LUZP2: variants seen among roughly 807,000 people sequenced by gnomAD.
LUZP2 encodes the protein leucine zipper protein 2.
A neutral mutation model predicts 51.6 loss-of-function variants in LUZP2; 52 were observed. The ratio of observed to expected loss-of-function variants is 1.01; its 90% CI spans 0.81 to 1.27. The LOEUF (loss-of-function observed/expected upper bound fraction) is 1.27, where lower values mean the gene tolerates loss of function less well. LUZP2 is among the 50% of genes most tolerant of loss of function. LUZP2 has a pLI of 0.00. For synonymous variants in LUZP2, 154 were observed against 137.3 expected (o/e 1.12, Z -0.85); for missense variants, 436 against 395.4 (o/e 1.10, Z -0.87).
intron 1 of LUZP2, among the ~76,000 whole-genome samples, chr11:24,614,916 G>A (rs1854238080): frequency 6.6e-6 from 1 of 151,768 alleles, no homozygotes. Flanking sequence ...CAAGCATCCA[G>A]AACAGTGTTA....
rs372995188 is a variant in LUZP2, at chr11:24,592,893, T to G, written c.62+95588T>G. ...AGGCCAGTCTTTAAGTAGAATGCTC[T>G]ATAACTGTAAGAACAGAATCCATTA... On this transcript the variant is annotated intron_variant, in intron 1 of 11. Transcript: ENST00000336930. 1.3e-4 allele frequency among the ~76,000 whole-genome samples: 20 copies of G among 152,348 alleles called. No individual in the cohort carries two copies. The East Asian group carries it at 3.3e-3, about 25-fold the overall frequency.
chr11:24,915,344 C>T (rs1054871564), intron 7 of LUZP2, among the ~76,000 whole-genome samples: 3 of 152,080 alleles, frequency 2.0e-5, no homozygotes, highest in Admixed American at 6.6e-5. Context: ...CTGACTTATT[C>T]TAAACCTTGG....
chr11:24,703,672 A>AG (rs1424570083), intron 1 of LUZP2, among the ~76,000 whole-genome samples: 1 of 151,758 alleles, frequency 6.6e-6, no homozygotes, highest in African/African-American at 2.4e-5. Context: ...AAAATACAAA[A>AG]AAAAAAACTA....
chr11:24,987,974 T>G (rs1590806533), intron 9 of LUZP2, among the ~76,000 whole-genome samples: 1 of 151,938 alleles, frequency 6.6e-6, no homozygotes, highest in East Asian at 1.9e-4. Context: ...TTGGAGGTTA[T>G]TCAAAAATCA....
intron 3 of LUZP2, among the ~76,000 whole-genome samples, chr11:24,732,824 A>G (rs1374098670): frequency 6.6e-6 from 1 of 151,728 alleles, no homozygotes; most frequent in Non-Finnish European, 1.5e-5. Context: ...GTAGGTTTGT[A>G]TATATTTTCT....
At position 24,586,677 on chromosome 11, in the gene LUZP2, G is replaced by C. The variant is rs921109410; in HGVS notation, c.62+89372G>C. Reference sequence around the variant, plus strand: ...AGTTTAGGTACTCCATTTTGAATTAGATGGAAAACTGTGAATGGTACAAGC... The same window carrying C: ...AGTTTAGGTACTCCATTTTGAATTACATGGAAAACTGTGAATGGTACAAGC... On this transcript the variant is annotated intron_variant, in intron 1 of 11. Coordinates refer to ENST00000336930, the MANE Select transcript of LUZP2 (RefSeq NM_001009909.4). Among the ~76,000 whole-genome samples, 2 of 151,976 alleles carry C rather than the reference G, an allele frequency of 1.3e-5. 1 individual carries two copies. The highest frequency in any genetic ancestry group is 4.8e-5 in the African/African-American group (2 of 41,398).
At chr11:24,628,420 A>G (rs1854759286) in intron 1 of LUZP2, among the ~76,000 whole-genome samples, 1 of 152,180 alleles carries the variant, frequency 6.6e-6, no homozygotes, top group South Asian at 2.1e-4. Flanking sequence ...CACAGATCTA[A>G]GACTTCAAAT....
At chr11:25,022,054 T>A (rs77615660) in intron 9 of LUZP2, among the ~76,000 whole-genome samples, 5,185 of 152,168 alleles carry the variant, frequency 0.034, 122 homozygotes, top group Non-Finnish European at 0.053. Flanking sequence ...CAGTACTTGT[T>A]GCACTCTTTC....
At chr11:24,806,373 C>T (rs1849857125) in intron 5 of LUZP2, among the ~76,000 whole-genome samples, 1 of 152,124 alleles carries the variant, frequency 6.6e-6, no homozygotes, top group African/African-American at 2.4e-5. Context: ...AATCAGCCTC[C>T]ACTATTGCCA....
intron 4 of LUZP2, among the ~76,000 whole-genome samples, chr11:24,747,915 A>T (rs1448399874): frequency 6.6e-6 from 1 of 152,072 alleles, no homozygotes; most frequent in Non-Finnish European, 1.5e-5. Context: ...TGTCCCCTCT[A>T]ACAGCCCTAA....
intron 7 of LUZP2, among the ~76,000 whole-genome samples, chr11:24,918,123 T>G (rs1285928868): frequency 1.3e-5 from 2 of 152,092 alleles, no homozygotes; most frequent in Non-Finnish European, 2.9e-5. Flanking sequence ...CACTCATGAT[T>G]TGGCTCTCTG....
chr11:24,770,668 T>C (rs147717773), intron 5 of LUZP2, among the ~76,000 whole-genome samples: 70 of 152,322 alleles, frequency 4.6e-4, no homozygotes, highest in African/African-American at 1.5e-3. Flanking sequence ...CAAATAGCCA[T>C]TGACACATAT....
At chr11:24,543,055 CA>C (rs1381659781) in intron 1 of LUZP2, among the ~76,000 whole-genome samples, 2 of 151,608 alleles carry the variant, frequency 1.3e-5, no homozygotes, top group Non-Finnish European at 2.9e-5. Context: ...GTGTTCATAA[CA>C]CTTTGGGGAA....
At chr11:25,052,931 T>G (rs1341818586) in intron 10 of LUZP2, among the ~76,000 whole-genome samples, 1 of 152,180 alleles carries the variant, frequency 6.6e-6, no homozygotes, top group Admixed American at 6.5e-5. Context: ...GGATATAATG[T>G]AGTTTTACTT....
intron 6 of LUZP2, among the ~76,000 whole-genome samples, chr11:24,913,846 CA>C (rs747704520): frequency 6.6e-6 from 1 of 151,938 alleles, no homozygotes. Context: ...CTGAAAAATT[CA>C]AAATACATGA....
intron 1 of LUZP2, among the ~76,000 whole-genome samples, chr11:24,590,570 A>T (rs2133840949): frequency 6.6e-6 from 1 of 152,244 alleles, no homozygotes; most frequent in African/African-American, 2.4e-5. Flanking sequence ...ATGACTAATA[A>T]TTTTTTACTA....
chr11:24,890,321 A>T (rs1446252861), intron 5 of LUZP2, among the ~76,000 whole-genome samples: 1 of 145,200 alleles, frequency 6.9e-6, no homozygotes, highest in Non-Finnish European at 1.6e-5. Flanking sequence ...TTACATGACA[A>T]ACAGAAGAAG....
At chr11:25,021,348 C>CA (rs1476060344) in intron 9 of LUZP2, among the ~76,000 whole-genome samples, 54 of 151,100 alleles carry the variant, frequency 3.6e-4, no homozygotes, top group East Asian at 1.9e-4. Flanking sequence ...TAGCCATGCA[C>CA]AAAAAAACAA....
At chr11:24,542,608 A>G (rs941529749) in intron 1 of LUZP2, among the ~76,000 whole-genome samples, 5 of 151,992 alleles carry the variant, frequency 3.3e-5, no homozygotes, top group Admixed American at 6.6e-5. Flanking sequence ...TTCATAATCA[A>G]TGAAACAAAA....
Sources: gnomAD v4.1 joint callset for allele counts (sites outside exome capture counted in the v4.1 genomes callset) on GRCh38, gnomAD v4.1.1 for gene constraint, MANE v1.5 for transcripts, NCBI Gene and HGNC (gene_info 2026-07-23, HGNC 2026-07-21) for gene names.